Variants in CERCAM observed in about 807,000 individuals in gnomAD.
The protein encoded by CERCAM is cerebral endothelial cell adhesion molecule, also known as inactive glycosyltransferase 25 family member 3.
In CERCAM, 59 loss-of-function variants were observed where a neutral mutation model predicts 66.0. That is an observed-to-expected ratio of 0.89 (90% confidence interval 0.73 to 1.11). The LOEUF (loss-of-function observed/expected upper bound fraction) is 1.11, where lower values mean the gene tolerates loss of function less well. Among genes scored for constraint, CERCAM ranks in the 50% most tolerant of loss-of-function variants. The pLI is 0.00. For synonymous variants in CERCAM, 318 were observed against 343.6 expected (o/e 0.93, Z 0.83); for missense variants, 840 against 828.3 (o/e 1.01, Z -0.17).
chr9:128,424,396 T>C lies in CERCAM; in HGVS notation c.562-14T>C, dbSNP rs753103433. The stretch of plus-strand genomic sequence containing the variant: ...GGGAGCCCTCTCACAGCCCAAAGCA[T>C]CCCTTTTCCCCAGGGCTACTACCGC... On this transcript the variant is annotated splice_polypyrimidine_tract_variant and intron_variant, in intron 4 of 12. Coordinates refer to ENST00000372838, the MANE Select transcript of CERCAM (RefSeq NM_016174.5). 6.2e-7 allele frequency: 1 copy of C among 1,613,850 alleles called. No homozygotes were observed. The highest frequency in any genetic ancestry group is 8.5e-7 in the Non-Finnish European group (1 of 1,179,964).
At chr9:128,431,118 C>T (rs1386710490) in intron 8 of CERCAM, 53 bp from the exon 9 acceptor site, 1 of 1,600,716 alleles carries the variant, frequency 6.2e-7, no homozygotes, top group African/African-American at 1.3e-5. Flanking sequence ...CCTGGCCCCT[C>T]TGGAGGGGTC....
intron 9 of CERCAM, among the ~76,000 whole-genome samples, chr9:128,432,698 T>C (rs1834003788): frequency 6.6e-6 from 1 of 152,212 alleles, no homozygotes. Flanking sequence ...CACTACTTTC[T>C]GAGCTGATTT....
At chr9:128,427,257 C>T (rs780621378) in intron 5 of CERCAM, among the ~76,000 whole-genome samples, 1 of 151,914 alleles carries the variant, frequency 6.6e-6, no homozygotes, top group African/African-American at 2.4e-5. Flanking sequence ...GGATTACGGG[C>T]GGCCACCACC....
In CERCAM at chr9:128,420,940, G is replaced by C; in HGVS notation, c.63G>C (p.Glu21Asp). The part of the protein sequence containing the change: ...QLLLLLGPWL[E>D]AAGVAESPLP... Reference sequence around the variant, plus strand: ...TGCTCCTGCTGGGGCCGTGGCTGGAGGCTGCGGGCGTTGCGGAGTCGCCGC... The same window carrying C: ...TGCTCCTGCTGGGGCCGTGGCTGGACGCTGCGGGCGTTGCGGAGTCGCCGC... The change falls in exon 1 of 13, where the codon GAG becomes GAC. Residue 21 changes from glutamate to aspartate, a missense_variant. Transcript: ENST00000372838. The surrounding 1 kb of genome is among the most constrained non-coding windows in gnomAD (Gnocchi z 5.0). 5 of 1,455,588 alleles carry C rather than the reference G, an allele frequency of 3.4e-6. No homozygotes were observed. Among genetic ancestry groups the C allele is most frequent in the Non-Finnish European group, 4.5e-6 (5 of 1,106,182 alleles). 90.2% of individuals were successfully genotyped at this position (1,455,588 alleles called of 1,614,324 possible). A position where few individuals can be genotyped will look rare whatever the true frequency, so the allele number is the denominator to read the frequency against.
chr9:128,420,055 C>T (rs1238653369), upstream of CERCAM: 1 of 152,254 alleles, frequency 6.6e-6, no homozygotes, highest in African/African-American at 2.4e-5. The surrounding 1 kb of genome is among the most constrained non-coding windows in gnomAD (Gnocchi z 5.0). Flanking sequence ...ATTTTTAGTA[C>T]AGATGGGATT....
At chr9:128,429,088 C>A in intron 8 of CERCAM, 52 bp downstream of exon 8, 2 of 1,351,964 alleles carry the variant, frequency 1.5e-6, no homozygotes, top group South Asian at 1.3e-5. Flanking sequence ...GCAGTGTGGT[C>A]CATCTCCTAG....
intron 5 of CERCAM, among the ~76,000 whole-genome samples, chr9:128,427,175 C>T (rs1017151253): frequency 6.6e-6 from 1 of 151,976 alleles, no homozygotes; most frequent in African/African-American, 2.4e-5. Context: ...TGCAGTGGCG[C>T]GATTTTGGCT....
At chr9:128,430,531 C>T (rs1833951017) in intron 8 of CERCAM, among the ~76,000 whole-genome samples, 1 of 152,176 alleles carries the variant, frequency 6.6e-6, no homozygotes, top group Non-Finnish European at 1.5e-5. Flanking sequence ...TGAGACACCA[C>T]ATCCCCCGAG....
chr9:128,435,726 AC>A lies in CERCAM; in HGVS notation c.1612del (p.His538ThrfsTer42). On this transcript the variant is annotated frameshift_variant, in exon 12 of 13. Transcript: ENST00000372838. LOFTEE classifies it high-confidence loss of function. ...CGCCCAGCCCCTGCTCGCTGCCCCT[AC>A]CCACTATGCCGGGGACGCCGAGTGG... ...FSAQPLLAAP[T>X]HYAGDAEWLS... The A allele has an allele frequency of 1.2e-5, 19 of 1,613,490 alleles. No individual in the cohort carries two copies. Among genetic ancestry groups the A allele is most frequent in the Non-Finnish European group, 1.6e-5 (19 of 1,179,902 alleles).
chr9:128,429,361 G>C (rs1176281945), intron 8 of CERCAM, among the ~76,000 whole-genome samples: 1 of 152,144 alleles, frequency 6.6e-6, no homozygotes. Flanking sequence ...GCAGATAACT[G>C]TGCCCTTCTC....
At chr9:128,430,006 G>A (rs186452972) in intron 8 of CERCAM, among the ~76,000 whole-genome samples, 2 of 151,816 alleles carry the variant, frequency 1.3e-5, no homozygotes, top group African/African-American at 2.4e-5. Flanking sequence ...GTCTCACTCT[G>A]TTGCCTAGGC....
intron 9 of CERCAM, 84 bp downstream of exon 9, chr9:128,431,387 G>T (rs918172678): frequency 2.6e-6 from 4 of 1,535,650 alleles, no homozygotes; most frequent in Non-Finnish European, 3.5e-6. Flanking sequence ...GAACGAGTGA[G>T]TGAATGAAGA....
intron 9 of CERCAM, among the ~76,000 whole-genome samples, chr9:128,432,291 G>T (rs1017195221): frequency 9.2e-5 from 14 of 151,728 alleles, no homozygotes; most frequent in Admixed American, 2.6e-4. Context: ...CTCCCAAAGT[G>T]CTGGAATTAC....
chr9:128,431,160 G>T lies in CERCAM; in HGVS notation c.1071-11G>T. 1 of 1,613,226 alleles carries T rather than the reference G, an allele frequency of 6.2e-7. No homozygotes were observed. ...AGGCACCCCTCACCCCGCCACACCT[G>T]TGTCCCTCAGGATGCTCAACAGCAG... is the stretch of plus-strand genomic sequence containing the variant. On this transcript the variant is annotated splice_polypyrimidine_tract_variant and intron_variant, in intron 8 of 12. Coordinates refer to ENST00000372838, the MANE Select transcript of CERCAM (RefSeq NM_016174.5).
intron 1 of CERCAM, chr9:128,421,376 C>A (rs1833705853): frequency 8.8e-7 from 1 of 1,141,932 alleles, no homozygotes; most frequent in Non-Finnish European, 1.1e-6. Flanking sequence ...CCTTTTCACC[C>A]CAGCCTTCAG....
chr9:128,431,870 G>A (rs1833984144), intron 9 of CERCAM: 1 of 152,896 alleles, frequency 6.5e-6, no homozygotes, highest in Admixed American at 6.5e-5. Flanking sequence ...GGCTGGGAGT[G>A]TGAGCGCAGG....
At chr9:128,425,017 C>CA (rs1187397692) in intron 5 of CERCAM, among the ~76,000 whole-genome samples, 2 of 151,752 alleles carry the variant, frequency 1.3e-5, no homozygotes, top group Non-Finnish European at 2.9e-5. Context: ...GCCACCCGCC[C>CA]AGCCAGTGGT....
chr9:128,433,254 G>C (rs1235140444), intron 9 of CERCAM, among the ~76,000 whole-genome samples: 4 of 144,940 alleles, frequency 2.8e-5, no homozygotes, highest in Non-Finnish European at 4.5e-5. Context: ...ACTCCAGCCC[G>C]GGCGACAGAG....
rs1193322218 is a variant in CERCAM at position 128,431,165 on chromosome 9, C to T, written c.1071-6C>T. On this transcript the variant is annotated splice_polypyrimidine_tract_variant and splice_region_variant and intron_variant, in intron 8 of 12. Coordinates refer to ENST00000372838, the MANE Select transcript of CERCAM (RefSeq NM_016174.5). ...CCCCTCACCCCGCCACACCTGTGTC[C>T]CTCAGGATGCTCAACAGCAGTGCCA... is the stretch of plus-strand genomic sequence containing the variant. 1 of 1,613,446 alleles carries T rather than the reference C, an allele frequency of 6.2e-7. No individual in the cohort carries two copies. Among genetic ancestry groups the T allele is most frequent in the Non-Finnish European group, 8.5e-7 (1 of 1,179,948 alleles).
Sources: gnomAD v4.1 joint callset for allele counts (sites outside exome capture counted in the v4.1 genomes callset) on GRCh38, gnomAD v4.1.1 for gene constraint, Gnocchi (gnomAD v3.1) non-coding constraint, MANE v1.5 for transcripts, NCBI Gene and HGNC (gene_info 2026-07-23, HGNC 2026-07-21) for gene names.